Variants in ANAPC1 observed in about 807,000 individuals in gnomAD.
The protein encoded by ANAPC1 is anaphase promoting complex subunit 1.
ANAPC1 carries 36 observed loss-of-function variants against 208.0 expected under a neutral mutation model. The observed-to-expected ratio is 0.17, with a 90% CI of 0.13 to 0.23. The LOEUF (loss-of-function observed/expected upper bound fraction) is 0.23, where lower values mean the gene tolerates loss of function less well. ANAPC1 is among the 10% of genes least tolerant of loss of function. ANAPC1 has a pLI of 1.00. For synonymous variants in ANAPC1, 378 were observed against 695.2 expected, an observed-to-expected ratio of 0.54 and a Z score of 7.18; for missense variants, 942 against 2,011.6, an observed-to-expected ratio of 0.47 and a Z score of 10.17.
intron 28 of ANAPC1, among the ~76,000 whole-genome samples, chr2:111,810,882 CAAAAAA>C (rs1162540899): frequency 0.31 from 21,820 of 71,538 alleles, 1,765 homozygotes; most frequent in Middle Eastern, 0.45. Context: ...GACTCCACAT[CAAAAAA>C]AAAAAAAAAA....
chr2:111,851,672 G>T (rs538875472), intron 13 of ANAPC1, among the ~76,000 whole-genome samples: 2 of 151,990 alleles, frequency 1.3e-5, no homozygotes, highest in East Asian at 1.9e-4. Context: ...TTAGCCGGGC[G>T]TGGTGGCGGG....
chr2:111,842,638 G>A (rs576704664), intron 17 of ANAPC1, among the ~76,000 whole-genome samples: 3 of 127,122 alleles, frequency 2.4e-5, no homozygotes, highest in South Asian at 5.0e-4. Flanking sequence ...GCGACATTCT[G>A]TCTCAAAAAA....
chr2:111,843,295 T>C, intron 17 of ANAPC1, 117 bp downstream of exon 17: 1 of 958,136 alleles, frequency 1.0e-6, no homozygotes, highest in South Asian at 1.6e-5. Flanking sequence ...AACCTTAATA[T>C]TATTCTATTA....
At chr2:111,858,275 T>C (rs776647518) in intron 11 of ANAPC1, 31 bp downstream of exon 11, 9 of 1,553,976 alleles carry the variant, frequency 5.8e-6, no homozygotes, top group Non-Finnish European at 7.9e-6. Flanking sequence ...AAGTTATTTA[T>C]ACAGAAACAA....
intron 20 of ANAPC1, among the ~76,000 whole-genome samples, chr2:111,832,874 C>T (rs1680226901): frequency 7.0e-6 from 1 of 142,360 alleles, no homozygotes; most frequent in African/African-American, 2.6e-5. Context: ...GGAGGCAGAG[C>T]TTGCAGTGAG....
At chr2:111,877,666 C>T (rs1683090219) in intron 3 of ANAPC1, among the ~76,000 whole-genome samples, 1 of 152,146 alleles carries the variant, frequency 6.6e-6, no homozygotes, top group South Asian at 2.1e-4. Context: ...CAACTGCAGT[C>T]CCAGCTACTC....
chr2:111,773,105 C>T (rs1469723770), intron 46 of ANAPC1, among the ~76,000 whole-genome samples: 1 of 152,292 alleles, frequency 6.6e-6, no homozygotes, highest in African/African-American at 2.4e-5. Context: ...AGTTCAGAGA[C>T]AGGCAGACCC....
rs772866144 is a variant in ANAPC1, at chr2:111,821,207, T to C, written c.3206+32A>G. ...AAGACACAAATGTAACAATGAAACA[T>C]GACAAGAGATAGTGCACGTGTTTTC... On this transcript the variant is annotated intron_variant, in intron 26 of 47. Coordinates refer to ENST00000341068, the MANE Select transcript of ANAPC1 (RefSeq NM_022662.4). 8 of 1,592,706 alleles carry C rather than the reference T, an allele frequency of 5.0e-6. No individual in the cohort carries two copies. The Admixed American group carries it at 6.7e-5, about 13-fold the overall frequency.
chr2:111,836,719 A>G (rs1680489603), intron 18 of ANAPC1, among the ~76,000 whole-genome samples: 1 of 152,066 alleles, frequency 6.6e-6, no homozygotes, highest in East Asian at 1.9e-4. Flanking sequence ...CTGTAATCTC[A>G]GCACTTTGGG....
Position 111,862,682 on chromosome 2 carries a change from T to C in ANAPC1, c.1053-84A>G, listed in dbSNP as rs192192159. The C allele has an allele frequency of 3.4e-4, 515 of 1,513,908 alleles. 1 individual carries two copies. In the Middle Eastern group the frequency reaches 5.3e-3, roughly 16 times the overall value. The allele number at this position is 1,513,908 out of a possible 1,614,324, so 93.8% of individuals were successfully genotyped here. A position where few individuals can be genotyped will look rare whatever the true frequency, so the allele number is the denominator to read the frequency against. On this transcript the variant is annotated intron_variant, in intron 9 of 47. Transcript: ENST00000341068. ...CACACTCCAATGACACTTCCAAAAA[T>C]TCCACAGACAGAAGAGCATTCATGG...
chr2:111,795,875 AT>A (rs1466625528), intron 34 of ANAPC1, among the ~76,000 whole-genome samples: 1 of 150,652 alleles, frequency 6.6e-6, no homozygotes, highest in Admixed American at 6.6e-5. Context: ...TTTAAGATTT[AT>A]TCTTTTAATC....
At chr2:111,863,511 C>CAAA (rs372062409) in intron 9 of ANAPC1, among the ~76,000 whole-genome samples, 164 bp downstream of exon 9, 1 of 122,596 alleles carries the variant, frequency 8.2e-6, no homozygotes, top group Non-Finnish European at 1.7e-5. Flanking sequence ...GACTCCGTCT[C>CAAA]AAAAAAAAAA....
At chr2:111,779,528 T>G (rs1488062913) in intron 44 of ANAPC1, 1 of 152,032 alleles carries the variant, frequency 6.6e-6, no homozygotes, top group Non-Finnish European at 1.5e-5. Context: ...TTTCCTTGTC[T>G]CTATGGTGGA....
intron 28 of ANAPC1, among the ~76,000 whole-genome samples, chr2:111,811,143 T>G (rs1678974167): frequency 1.3e-5 from 2 of 152,102 alleles, no homozygotes; most frequent in African/African-American, 4.8e-5. Context: ...CGGCCCCCAG[T>G]CCCCACCAGC....
chr2:111,864,208 C>T (rs1682258542), intron 8 of ANAPC1, among the ~76,000 whole-genome samples: 1 of 151,700 alleles, frequency 6.6e-6, no homozygotes, highest in African/African-American at 2.4e-5. Context: ...CATTTGTAGT[C>T]CTAGCTATTC....
At chr2:111,865,833 A>T (rs1682374600) in intron 7 of ANAPC1, 2 of 187,484 alleles carry the variant, frequency 1.1e-5, no homozygotes, top group African/African-American at 4.7e-5. Flanking sequence ...ATCATGCCAA[A>T]AAGGGGCACA....
chr2:111,882,310 C>G (rs1191290485), intron 1 of ANAPC1, among the ~76,000 whole-genome samples: 1 of 152,000 alleles, frequency 6.6e-6, no homozygotes, highest in African/African-American at 2.4e-5. Context: ...CTGCAATCCC[C>G]GTTGTTTCCG....
intron 10 of ANAPC1, among the ~76,000 whole-genome samples, chr2:111,858,636 C>T (rs1405812457): frequency 6.6e-6 from 1 of 152,080 alleles, no homozygotes; most frequent in East Asian, 1.9e-4. Flanking sequence ...ATGGCAGGCG[C>T]CTGTGGTCGC....
At chr2:111,840,349 T>C (rs1447835695) in intron 17 of ANAPC1, among the ~76,000 whole-genome samples, 3 of 152,280 alleles carry the variant, frequency 2.0e-5, no homozygotes, top group Non-Finnish European at 4.4e-5. Flanking sequence ...AAGCTTTGAC[T>C]ATGAGGACAA....
Sources: gnomAD v4.1 joint callset for allele counts (sites outside exome capture counted in the v4.1 genomes callset) on GRCh38, gnomAD v4.1.1 for gene constraint, MANE v1.5 for transcripts, NCBI Gene and HGNC (gene_info 2026-07-23, HGNC 2026-07-21) for gene names.